ACTN1: variants seen among roughly 807,000 people sequenced by gnomAD.
ACTN1 encodes the protein actinin alpha 1, also known as alpha-actinin-1.
A neutral mutation model predicts 119.6 loss-of-function variants in ACTN1; 30 were observed. The observed-to-expected ratio is 0.25, with a 90% CI of 0.19 to 0.34. The LOEUF (loss-of-function observed/expected upper bound fraction) is 0.34. ACTN1 is among the 10% of genes least tolerant of loss of function. The pLI, the probability that ACTN1 is intolerant of heterozygous loss-of-function variation, is 1.00. For missense variants in ACTN1, 764 were observed against 1,223.4 expected, an observed-to-expected ratio of 0.62 and a Z score of 5.60; for synonymous variants, 429 against 472.6, an observed-to-expected ratio of 0.91 and a Z score of 1.20.
At position 68,979,061 on chromosome 14, in the gene ACTN1, G is replaced by A; in HGVS notation, c.-5C>T. ...CTGAGAATCATAATGGTCCATGATG[G>A]TGCGCGCGTGCTAGGGTCTGGATTT... is the stretch of plus-strand genomic sequence containing the variant. On this transcript the variant is annotated 5_prime_UTR_variant, in exon 1 of 22. Coordinates refer to ENST00000394419, the MANE Select transcript of ACTN1 (RefSeq NM_001130004.2). 1 of 1,570,292 alleles carries A rather than the reference G, an allele frequency of 6.4e-7. No homozygotes were observed. Among genetic ancestry groups the A allele is most frequent in the Non-Finnish European group, 8.7e-7 (1 of 1,149,760 alleles).
At chr14:68,966,881 C>T (rs1437550340) in intron 1 of ACTN1, among the ~76,000 whole-genome samples, 1 of 152,200 alleles carries the variant, frequency 6.6e-6, no homozygotes, top group South Asian at 2.1e-4. Context: ...CAGCCAAATG[C>T]AATAACCCCA....
chr14:68,906,694 C>A (rs1257169139), intron 6 of ACTN1, among the ~76,000 whole-genome samples: 1 of 152,222 alleles, frequency 6.6e-6, no homozygotes, highest in Non-Finnish European at 1.5e-5. Context: ...GTCGGAGCCC[C>A]TCAGCCCTCT....
intron 1 of ACTN1, among the ~76,000 whole-genome samples, chr14:68,960,013 A>G (rs2036475331): frequency 6.6e-6 from 1 of 152,254 alleles, no homozygotes. Flanking sequence ...ACAGAAAAAA[A>G]TGTTATTAAG....
At chr14:68,963,223 C>A (rs1459811513) in intron 1 of ACTN1, among the ~76,000 whole-genome samples, 1 of 152,176 alleles carries the variant, frequency 6.6e-6, no homozygotes, top group Non-Finnish European at 1.5e-5. Context: ...CCAGGATGGG[C>A]TGGAGCCTTC....
chr14:68,942,658 G>T (rs1375323153), intron 1 of ACTN1, among the ~76,000 whole-genome samples: 1 of 152,178 alleles, frequency 6.6e-6, no homozygotes, highest in Non-Finnish European at 1.5e-5. Context: ...AATGTTGGTG[G>T]GGTTGAGGGA....
intron 1 of ACTN1, among the ~76,000 whole-genome samples, chr14:68,927,051 C>A (rs2034962016): frequency 6.6e-6 from 1 of 152,168 alleles, no homozygotes; most frequent in Non-Finnish European, 1.5e-5. Flanking sequence ...TCTCTCCCTG[C>A]AAACATATCT....
chr14:68,910,480 G>A (rs1321178051), intron 4 of ACTN1, among the ~76,000 whole-genome samples: 2 of 152,130 alleles, frequency 1.3e-5, no homozygotes, highest in Non-Finnish European at 2.9e-5. Flanking sequence ...AAAGCATTAG[G>A]ACTCCTAGAC....
In ACTN1 at chr14:68,879,712, G is replaced by A. The variant is rs2031311197; in HGVS notation, c.2280+250C>T. ...TCATGGTAGGAGAGCAAGGATCAGG[G>A]GTCAAAGGTCCTCTTTCTACCCACA... On this transcript the variant is annotated intron_variant, in intron 18 of 21. Transcript: ENST00000394419. This position sits in a 1 kb window ranked among gnomAD's most constrained non-coding sequence, Gnocchi z 4.9. 6.6e-6 allele frequency among the ~76,000 whole-genome samples: 1 copy of A among 152,196 alleles called. No homozygotes were observed. The highest frequency in any genetic ancestry group is 2.4e-5 in the African/African-American group (1 of 41,446).
At chr14:68,920,669 A>G (rs918374535) in intron 3 of ACTN1, among the ~76,000 whole-genome samples, 2 of 152,054 alleles carry the variant, frequency 1.3e-5, no homozygotes, top group African/African-American at 4.8e-5. Flanking sequence ...CAGCCCATAC[A>G]CAAATCCTCT....
chr14:68,921,045 C>T lies in ACTN1; in HGVS notation c.301G>A (p.Ala101Thr). The change falls in exon 3 of 22, where the codon GCC becomes ACC. Residue 101 changes from alanine to threonine, a missense_variant. Around this residue, in one of 4 missense-constraint regions of ACTN1, gnomAD observed 54 missense variants for 153.2 expected, o/e 0.35. Transcript: ENST00000394419. Reference sequence around the variant, plus strand: ...GACACCAGTTTGACGCCTTTGCTGGCTATGAAATCCAGGGCCTTGTTGACG... The same window carrying T: ...GACACCAGTTTGACGCCTTTGCTGGTTATGAAATCCAGGGCCTTGTTGACG... ...SNVNKALDFI[A>T]SKGVKLVSIG... 1 of 1,614,206 alleles carries T rather than the reference C, an allele frequency of 6.2e-7. No homozygotes were observed. The highest frequency in any genetic ancestry group is 1.1e-5 in the South Asian group (1 of 91,086).
At chr14:68,933,268 G>A (rs1203488123) in intron 1 of ACTN1, among the ~76,000 whole-genome samples, 1 of 152,052 alleles carries the variant, frequency 6.6e-6, no homozygotes, top group African/African-American at 2.4e-5. Context: ...TGAGTATCTG[G>A]GATTACAGGC....
Position 68,878,329 on chromosome 14 carries a change from C to G in ACTN1, c.2427+129G>C. The G allele has an allele frequency of 7.4e-7, 1 of 1,353,118 alleles. No homozygotes were observed. The allele number at this position is 1,353,118 out of a possible 1,614,324, so 83.8% of individuals were successfully genotyped here. A position where few individuals can be genotyped will look rare whatever the true frequency, so the allele number is the denominator to read the frequency against. ...GAGCCATCTTCCCCAAGGACATGGGCCCTGGGGCTCCTCCAGGGAGGGCAG... is the reference window on the plus strand; with the variant it reads ...GAGCCATCTTCCCCAAGGACATGGGGCCTGGGGCTCCTCCAGGGAGGGCAG... On this transcript the variant is annotated intron_variant, in intron 20 of 21. Transcript: ENST00000394419. The surrounding 1 kb of genome is among the most constrained non-coding windows in gnomAD (Gnocchi z 4.4).
chr14:68,974,461 T>G (rs2036996811), intron 1 of ACTN1, among the ~76,000 whole-genome samples: 1 of 152,150 alleles, frequency 6.6e-6, no homozygotes, highest in Non-Finnish European at 1.5e-5. Flanking sequence ...TAAGGGAGAA[T>G]GGGAGGGGGT....
chr14:68,883,237 A>G, intron 14 of ACTN1, 182 bp from the exon 15 acceptor site: 1 of 640,026 alleles, frequency 1.6e-6, no homozygotes, highest in South Asian at 2.0e-5. Context: ...ACAGTCATCA[A>G]AAGCAACAGC....
chr14:68,905,215 C>G (rs1223128409), intron 6 of ACTN1, among the ~76,000 whole-genome samples: 1 of 150,256 alleles, frequency 6.7e-6, no homozygotes, highest in Non-Finnish European at 1.5e-5. Flanking sequence ...CTGGTGCTCA[C>G]ATTTCATGAA....
chr14:68,942,103 C>A (rs1324920407), intron 1 of ACTN1, among the ~76,000 whole-genome samples: 1 of 152,198 alleles, frequency 6.6e-6, no homozygotes, highest in Non-Finnish European at 1.5e-5. Context: ...TCACAAGCCA[C>A]CACAAGTCAC....
chr14:68,906,075 G>GGA (rs377112587), intron 6 of ACTN1, among the ~76,000 whole-genome samples: 2 of 141,438 alleles, frequency 1.4e-5, no homozygotes, highest in Non-Finnish European at 3.1e-5. Flanking sequence ...GAGGCCGGGG[G>GGA]GGCAGGAAAG....
At position 68,976,286 on chromosome 14, in the gene ACTN1, C is replaced by T. The variant is rs1321943398; in HGVS notation, c.105+2666G>A. Among the ~76,000 whole-genome samples, 5 of 152,176 alleles carry T rather than the reference C, an allele frequency of 3.3e-5. No homozygotes were observed. In the East Asian group the frequency reaches 7.7e-4, roughly 23 times the overall value. On this transcript the variant is annotated intron_variant, in intron 1 of 21. Coordinates refer to ENST00000394419, the MANE Select transcript of ACTN1 (RefSeq NM_001130004.2). ...CCTCTTCCCCTCCTCACACTCACTC[C>T]CCTGCCTCCCTCTGGAACCATCAGC...
chr14:68,913,492 T>C (rs59993756), intron 3 of ACTN1, among the ~76,000 whole-genome samples: 2,990 of 152,322 alleles, frequency 0.02, 108 homozygotes, highest in African/African-American at 0.068. Flanking sequence ...TACTAGGATT[T>C]GCATCCCACA....
Sources: allele counts gnomAD v4.1 joint callset (sites outside exome capture counted in the v4.1 genomes callset), GRCh38; gene constraint gnomAD v4.1.1; regional missense constraint gnomAD v4.1.1; non-coding constraint Gnocchi (gnomAD v3.1); transcripts MANE v1.5; gene names NCBI Gene and HGNC (gene_info 2026-07-23, HGNC 2026-07-21).